Variants in CCDC125 observed in about 807,000 individuals in gnomAD.
CCDC125 encodes the protein coiled-coil domain containing 125.
A neutral mutation model predicts 57.4 loss-of-function variants in CCDC125; 43 were observed. That is an observed-to-expected ratio of 0.75 (90% CI 0.59 to 0.97). The LOEUF (loss-of-function observed/expected upper bound fraction) is 0.97, where lower values mean the gene tolerates loss of function less well. Ranked by LOEUF, CCDC125 falls within the 50% of genes least tolerant of loss-of-function variation. The pLI, the probability that CCDC125 is intolerant of heterozygous loss-of-function variation, is 0.00. For synonymous variants in CCDC125, 187 were observed against 195.2 expected, an observed-to-expected ratio of 0.96 and a Z score of 0.35; for missense variants, 563 against 595.7, an observed-to-expected ratio of 0.95 and a Z score of 0.57.
At chr5:69,291,184 C>T (rs28576332) in intron 10 of CCDC125, among the ~76,000 whole-genome samples, 77,724 of 151,890 alleles carry the variant, frequency 0.51, 20,274 homozygotes, top group Middle Eastern at 0.56. Context: ...ACATTTTAAA[C>T]TGAAGCAATA....
intron 8 of CCDC125, among the ~76,000 whole-genome samples, chr5:69,296,702 G>A (rs1197606699): frequency 3.9e-5 from 6 of 152,274 alleles, no homozygotes; most frequent in South Asian, 4.2e-4. Flanking sequence ...GGTGTCTTAT[G>A]CCTATAATCC....
chr5:69,283,017 T>A lies in CCDC125; in HGVS notation c.1248A>T (p.Glu416Asp). The A allele has an allele frequency of 6.3e-7, 1 of 1,593,126 alleles. No individual in the cohort carries two copies. Among genetic ancestry groups the A allele is most frequent in the East Asian group, 2.2e-5 (1 of 44,716 alleles). Reference protein sequence around the residue: ...MLIDLLNDKEEALAHQRKVSY... With the variant: ...MLIDLLNDKEDALAHQRKVSY... ...TAACTTTTCTTTGATGAGCCAAAGCTTCTTCTTTATCATTAAGCTGCATGC... is the reference window on the plus strand; with the variant it reads ...TAACTTTTCTTTGATGAGCCAAAGCATCTTCTTTATCATTAAGCTGCATGC... Residue 416 changes from glutamate to aspartate, a missense_variant, in exon 12 of 12, where the codon GAA (glutamate) becomes GAT (aspartate). Physicochemically the swap from Glu to Asp is conservative, Grantham distance 45 (BLOSUM62 2). Transcript: ENST00000396496.
At chr5:69,325,851 A>G (rs1760673602) in intron 1 of CCDC125, among the ~76,000 whole-genome samples, 1 of 128,398 alleles carries the variant, frequency 7.8e-6, no homozygotes. Flanking sequence ...AAAAAAAAAA[A>G]GAGAGACAGC....
In CCDC125 at chr5:69,314,717, T is replaced by C. The variant is rs189874272; in HGVS notation, c.305-671A>G. On this transcript the variant is annotated intron_variant, in intron 2 of 11. Coordinates refer to ENST00000396496, the MANE Select transcript of CCDC125 (RefSeq NM_176816.5). ...TACGTGGGAGACTGAGTTGGGAGGA[T>C]CACTTAAGTCCAGGAGTTCGAGGCT... 9.2e-5 allele frequency among the ~76,000 whole-genome samples: 14 copies of C among 152,060 alleles called. No individual in the cohort carries two copies. In the East Asian group the frequency reaches 2.7e-3, roughly 29 times the overall value.
At chr5:69,293,585 T>C (rs1222548203) in intron 9 of CCDC125, among the ~76,000 whole-genome samples, 1 of 150,726 alleles carries the variant, frequency 6.6e-6, no homozygotes, top group Admixed American at 6.6e-5. Flanking sequence ...GAGGTGGAGG[T>C]TGCAGTGAGC....
rs774670228 is a variant in CCDC125 at position 69,307,921 on chromosome 5, C to T, written c.531+30G>A. The T allele has an allele frequency of 4.5e-6, 7 of 1,539,900 alleles. No individual in the cohort carries two copies. The Admixed American group carries it at 1.2e-4, about 26-fold the overall frequency. On this transcript the variant is annotated intron_variant, in intron 5 of 11. Transcript: ENST00000396496. The stretch of plus-strand genomic sequence containing the variant: ...ATTATATTTAACAGCTTATTGGATT[C>T]AATAAGTCTACACTAAAAGCACCAA...
chr5:69,298,310 G>C (rs185995951), intron 8 of CCDC125, among the ~76,000 whole-genome samples: 1 of 152,276 alleles, frequency 6.6e-6, no homozygotes, highest in Non-Finnish European at 1.5e-5. Flanking sequence ...CACCGCGCCC[G>C]GCCCCTGTTG....
rs750610415 is a variant in CCDC125, at chr5:69,294,864, C to T, written c.853G>A (p.Gly285Arg). The T allele has an allele frequency of 6.0e-5, 97 of 1,613,930 alleles. No homozygotes were observed. The highest frequency in any genetic ancestry group is 8.9e-5 in the East Asian group (4 of 44,890). ...CTGGCACAAGAACAGGGGTTCCCTC[C>T]GGGCCCATGACAAAGGCAGGCTCCG... ...VLGACLCHGP[G>R]GNPCSCARMA... is the part of the protein sequence containing the mutation. The change falls in exon 9 of 12, where the codon GGA (glycine) becomes AGA (arginine). Residue 285 changes from glycine to arginine, a missense_variant. Gly to Arg is a moderately radical substitution (Grantham distance 125). Transcript: ENST00000396496.
chr5:69,276,843 TTTTAG>T (rs1752200213), downstream of CCDC125: 1 of 738,958 alleles, frequency 1.4e-6, no homozygotes, highest in African/African-American at 1.8e-5. Context: ...GACTGTGCCG[TTTTAG>T]GTATGTTTAC....
downstream of CCDC125, among the ~76,000 whole-genome samples, chr5:69,279,388 G>A (rs539668101): frequency 3.2e-4 from 48 of 152,194 alleles, no homozygotes; most frequent in African/African-American, 1.1e-3. Context: ...AGTAGAGACG[G>A]GGTTTCACTG....
downstream of CCDC125, among the ~76,000 whole-genome samples, chr5:69,276,253 T>C (rs1752124984): frequency 6.6e-6 from 1 of 152,178 alleles, no homozygotes; most frequent in Non-Finnish European, 1.5e-5. Context: ...GATCTCGAAC[T>C]TCTGACCTCA....
At chr5:69,312,083 T>C (rs1422139784) in intron 3 of CCDC125, among the ~76,000 whole-genome samples, 4 of 152,124 alleles carry the variant, frequency 2.6e-5, no homozygotes, top group Non-Finnish European at 1.5e-5. Context: ...GTTCCTTATG[T>C]AGGGACTCAA....
chr5:69,279,901 G>A (rs1339632616), downstream of CCDC125, among the ~76,000 whole-genome samples: 1 of 152,192 alleles, frequency 6.6e-6, no homozygotes, highest in South Asian at 2.1e-4. Flanking sequence ...GCTCCACATG[G>A]CTGGGCAGGC....
chr5:69,318,283 A>G (rs2150581273), intron 2 of CCDC125, among the ~76,000 whole-genome samples: 1 of 151,768 alleles, frequency 6.6e-6, no homozygotes, highest in Non-Finnish European at 1.5e-5. Flanking sequence ...CCTGGCCGAA[A>G]AAATTTCTTT....
intron 6 of CCDC125, among the ~76,000 whole-genome samples, chr5:69,304,630 G>A (rs1385205938): frequency 6.6e-6 from 1 of 151,520 alleles, no homozygotes; most frequent in Non-Finnish European, 1.5e-5. Flanking sequence ...TCATCATGTT[G>A]GCTGGGCTGA....
intron 8 of CCDC125, among the ~76,000 whole-genome samples, chr5:69,296,987 C>T (rs1308384135): frequency 1.3e-5 from 2 of 152,162 alleles, no homozygotes; most frequent in Admixed American, 1.3e-4. Context: ...ACCACAAATA[C>T]TTTCCCAACA....
At position 69,292,206 on chromosome 5, in the gene CCDC125, T is replaced by C; in HGVS notation, c.1081A>G (p.Lys361Glu). Residue 361 changes from lysine to glutamate, a missense_variant, in exon 10 of 12, where the codon AAG becomes GAG. By Grantham distance (56) the Lys-to-Glu change is moderately conservative (BLOSUM62 1). Coordinates refer to ENST00000396496, the MANE Select transcript of CCDC125 (RefSeq NM_176816.5). ...TAGTTACCATCCTCTTTAAGGTGCT[T>C]CCAATTCATCCATTTTGTTGCTTTT... ...HKKATKWMNW[K>E]HLKEDGFPSP... The C allele has an allele frequency of 6.2e-7, 1 of 1,613,096 alleles. No individual in the cohort carries two copies. Among genetic ancestry groups the C allele is most frequent in the Non-Finnish European group, 8.5e-7 (1 of 1,179,760 alleles).
chr5:69,293,560 A>T (rs1754836847), intron 9 of CCDC125, among the ~76,000 whole-genome samples: 1 of 151,708 alleles, frequency 6.6e-6, no homozygotes. Context: ...TGAGGCAGAG[A>T]ATCACTTGAA....
chr5:69,276,690 G>GGT, downstream of CCDC125: 1 of 1,609,190 alleles, frequency 6.2e-7, no homozygotes, highest in Non-Finnish European at 8.5e-7. Flanking sequence ...CTTAGAACAA[G>GGT]GTAAGATTCC....
Sources: allele counts gnomAD v4.1 joint callset (sites outside exome capture counted in the v4.1 genomes callset), GRCh38; gene constraint gnomAD v4.1.1; transcripts MANE v1.5; gene names NCBI Gene and HGNC (gene_info 2026-07-23, HGNC 2026-07-21).